The following PTPRD variants were observed in gnomAD, a reference collection of about 807,000 sequenced individuals.
PTPRD encodes the protein protein tyrosine phosphatase receptor type D, also known as receptor-type tyrosine-protein phosphatase delta.
PTPRD carries 34 observed loss-of-function variants against 214.5 expected under a neutral mutation model. That is an observed-to-expected ratio of 0.16 (90% confidence interval 0.12 to 0.21). The LOEUF (loss-of-function observed/expected upper bound fraction) is 0.21, where lower values mean the gene tolerates loss of function less well. PTPRD is among the 10% of genes least tolerant of loss of function. The pLI is 1.00. For synonymous variants in PTPRD, 1,128 were observed against 845.7 expected (o/e 1.33, Z -5.79); for missense variants, 2,545 against 2,398.7 (o/e 1.06, Z -1.27).
chr9:8,617,969 T>G (rs192465089), intron 14 of PTPRD, among the ~76,000 whole-genome samples: 2 of 152,110 alleles, frequency 1.3e-5, no homozygotes, highest in Admixed American at 6.6e-5. Flanking sequence ...AACTGGTAGG[T>G]TGTCCCACTT....
chr9:9,728,913 G>A (rs1443052869), intron 7 of PTPRD, among the ~76,000 whole-genome samples: 3 of 151,840 alleles, frequency 2.0e-5, no homozygotes, highest in Non-Finnish European at 2.9e-5. Context: ...ATTAAAATTT[G>A]TAGTACTATT....
chr9:10,170,709 T>C (rs542598585), intron 3 of PTPRD, among the ~76,000 whole-genome samples: 1 of 152,142 alleles, frequency 6.6e-6, no homozygotes, highest in Admixed American at 6.6e-5. Flanking sequence ...AAGGAATCAT[T>C]TTCTAAACAA....
At chr9:9,203,140 G>C (rs1186464689) in intron 9 of PTPRD, among the ~76,000 whole-genome samples, 1 of 152,060 alleles carries the variant, frequency 6.6e-6, no homozygotes, top group African/African-American at 2.4e-5. Flanking sequence ...TGAGGCAGGA[G>C]AATCACTTGA....
Position 10,509,105 on chromosome 9 carries a change from G to A in PTPRD, c.-600+103293C>T, listed in dbSNP as rs1211301920. On this transcript the variant is annotated intron_variant, in intron 2 of 45. Transcript: ENST00000381196. Reference sequence around the variant, plus strand: ...CTTTGTAATTATAAAATATTTAGGGGGATATAATAAATATCTATGCACATA... The same window carrying A: ...CTTTGTAATTATAAAATATTTAGGGAGATATAATAAATATCTATGCACATA... Among the ~76,000 whole-genome samples, 3 of 151,748 alleles carry A rather than the reference G, an allele frequency of 2.0e-5. No homozygotes were observed. In the East Asian group the frequency reaches 5.8e-4, roughly 29 times the overall value.
intron 7 of PTPRD, among the ~76,000 whole-genome samples, chr9:9,636,981 GA>G (rs112002931): frequency 0.017 from 2,560 of 152,226 alleles, 77 homozygotes; most frequent in African/African-American, 0.059. Context: ...TCACATGGTA[GA>G]AGCAGAAGTG....
intron 12 of PTPRD, among the ~76,000 whole-genome samples, chr9:8,673,501 A>C (rs532110736): frequency 1.3e-5 from 2 of 152,310 alleles, no homozygotes; most frequent in South Asian, 4.1e-4. Context: ...GAACCTCACA[A>C]CTGCCACTTA....
chr9:9,768,240 G>C (rs200647807), intron 5 of PTPRD, among the ~76,000 whole-genome samples: 4 of 152,064 alleles, frequency 2.6e-5, no homozygotes, highest in Admixed American at 2.6e-4. Context: ...TCTGAGACTT[G>C]AATTTTCATG....
chr9:8,813,521 G>A (rs1039171864), intron 11 of PTPRD, among the ~76,000 whole-genome samples: 1 of 152,202 alleles, frequency 6.6e-6, no homozygotes, highest in South Asian at 2.1e-4. Context: ...CAAGGCACGT[G>A]CCACCATGCC....
intron 3 of PTPRD, among the ~76,000 whole-genome samples, chr9:10,071,020 T>C (rs545409427): frequency 1.2e-4 from 19 of 152,032 alleles, no homozygotes; most frequent in Non-Finnish European, 2.8e-4. Context: ...AAGATTATGA[T>C]AGTACAAAAA....
intron 6 of PTPRD, among the ~76,000 whole-genome samples, chr9:9,737,150 T>C (rs562486007): frequency 2.6e-4 from 39 of 152,194 alleles, no homozygotes; most frequent in African/African-American, 9.4e-4. Context: ...ATTGAAAATA[T>C]GACATTTTCA....
chr9:9,045,063 A>G (rs2099667831), intron 10 of PTPRD, among the ~76,000 whole-genome samples: 1 of 151,836 alleles, frequency 6.6e-6, no homozygotes, highest in South Asian at 2.1e-4. Context: ...ATGATGTTAA[A>G]GAAACATGAT....
At chr9:9,411,118 G>T (rs2075286647) in intron 8 of PTPRD, among the ~76,000 whole-genome samples, 1 of 151,990 alleles carries the variant, frequency 6.6e-6, no homozygotes, top group African/African-American at 2.4e-5. Flanking sequence ...TGAACCACAA[G>T]GTGGGTTTCC....
rs898395314 is a variant in PTPRD at position 9,961,868 on chromosome 9, T to C, written c.-471-23258A>G. Among the ~76,000 whole-genome samples the C allele has an allele frequency of 2.6e-5, 4 of 152,206 alleles. No individual in the cohort carries two copies. In the South Asian group the frequency reaches 8.3e-4, roughly 32 times the overall value. The stretch of plus-strand genomic sequence containing the variant: ...ATATGTCTCTTATTAGTCATGGTAT[T>C]ATTTCCACTAGTGCTTTTAAAAACA... On this transcript the variant is annotated intron_variant, in intron 4 of 45. Coordinates refer to ENST00000381196, the MANE Select transcript of PTPRD (RefSeq NM_002839.4).
At chr9:10,363,991 G>GTTTTTTTGTTT (rs1485501417) in intron 2 of PTPRD, among the ~76,000 whole-genome samples, 842 of 35,080 alleles carry the variant, frequency 0.024, 34 homozygotes, top group South Asian at 0.038. Flanking sequence ...ACATTTTCGG[G>GTTTTTTTGTTT]TTTTTTTTTT....
At chr9:9,507,916 G>C (rs1244216999) in intron 8 of PTPRD, among the ~76,000 whole-genome samples, 2 of 151,346 alleles carry the variant, frequency 1.3e-5, no homozygotes, top group Admixed American at 1.3e-4. Context: ...TGTATTCAGA[G>C]AAAACTTAAA....
chr9:9,956,709 C>A (rs768843273), intron 4 of PTPRD, among the ~76,000 whole-genome samples: 1 of 151,572 alleles, frequency 6.6e-6, no homozygotes, highest in Non-Finnish European at 1.5e-5. Context: ...AGGGAATGGC[C>A]CATAGGAGCT....
At chr9:10,117,224 C>G (rs2098737374) in intron 3 of PTPRD, among the ~76,000 whole-genome samples, 1 of 151,980 alleles carries the variant, frequency 6.6e-6, no homozygotes, top group Admixed American at 6.6e-5. Flanking sequence ...GGCAAGAAAA[C>G]AGAGTAAATT....
intron 11 of PTPRD, among the ~76,000 whole-genome samples, chr9:8,986,430 T>A (rs2099345466): frequency 6.6e-6 from 1 of 151,888 alleles, no homozygotes; most frequent in Non-Finnish European, 1.5e-5. Flanking sequence ...ATTTTTTGTG[T>A]TTTAAAATAT....
intron 10 of PTPRD, among the ~76,000 whole-genome samples, chr9:9,143,158 TC>T (rs1357575029): frequency 6.6e-6 from 1 of 152,202 alleles, no homozygotes; most frequent in East Asian, 1.9e-4. Context: ...CCCAAATTCC[TC>T]ATTGGAGCAT....
Sources: gnomAD v4.1 joint callset for allele counts (sites outside exome capture counted in the v4.1 genomes callset) on GRCh38, gnomAD v4.1.1 for gene constraint, MANE v1.5 for transcripts, NCBI Gene and HGNC (gene_info 2026-07-23, HGNC 2026-07-21) for gene names.